The following MAP3K4 variants were observed in gnomAD, a reference collection of about 807,000 sequenced individuals.
MAP3K4 encodes mitogen-activated protein kinase kinase kinase 4, also known as MAP three kinase 1.
MAP3K4 carries 67 observed loss-of-function variants against 185.6 expected under a neutral mutation model. The ratio of observed to expected loss-of-function variants is 0.36; its 90% CI spans 0.30 to 0.44. The LOEUF is 0.44. Ranked by LOEUF, MAP3K4 falls within the 20% of genes least tolerant of loss-of-function variation. The probability of loss-of-function intolerance (pLI) is 1.00; values close to 1 mark genes in which losing one functional copy is unlikely to be tolerated. For synonymous variants in MAP3K4, 702 were observed against 710.4 expected, an observed-to-expected ratio of 0.99 and a Z score of 0.19; for missense variants, 1,551 against 1,995.1, an observed-to-expected ratio of 0.78 and a Z score of 4.24.
intron 1 of MAP3K4, among the ~76,000 whole-genome samples, chr6:161,014,989 T>C (rs1463572544): frequency 6.6e-6 from 1 of 152,214 alleles, no homozygotes; most frequent in Non-Finnish European, 1.5e-5. Flanking sequence ...TTCTGAACAT[T>C]TTATATAAAT....
In MAP3K4 at chr6:161,087,658, C is replaced by T. The variant is rs751502251; in HGVS notation, c.2557-30C>T. ...ACCTATTTCTCTAATGTACAGTGTT[C>T]CTTAAGATTTTGGATTATGTCTTTT... is the stretch of plus-strand genomic sequence containing the variant. On this transcript the variant is annotated intron_variant, in intron 9 of 26. Coordinates refer to ENST00000392142, the MANE Select transcript of MAP3K4 (RefSeq NM_005922.4). The surrounding 1 kb of genome is among the most constrained non-coding windows in gnomAD (Gnocchi z 4.9). The T allele has an allele frequency of 1.4e-5, 23 of 1,610,422 alleles. No homozygotes were observed. Among genetic ancestry groups the T allele is most frequent in the Middle Eastern group, 1.7e-4 (1 of 5,972 alleles).
chr6:161,050,102 AT>A (rs1783934383), intron 3 of MAP3K4, 123 bp downstream of exon 3: 1 of 968,156 alleles, frequency 1.0e-6, no homozygotes, highest in South Asian at 1.7e-5. Flanking sequence ...GCAGTTATAA[AT>A]TGCACATTTA....
rs1398485648 is a variant in MAP3K4, at chr6:161,061,826, A to G, written c.1708-8782A>G. 6.6e-6 allele frequency among the ~76,000 whole-genome samples: 1 copy of G among 152,180 alleles called. No individual in the cohort carries two copies. The highest frequency in any genetic ancestry group is 1.5e-5 in the Non-Finnish European group (1 of 68,038). ...TTATGACTGAATAATATTCCATTGT[A>G]TGGCTATACCACGTTTTGTTGATCT... On this transcript the variant is annotated intron_variant, in intron 3 of 26. Transcript: ENST00000392142. This position sits in a 1 kb window ranked among gnomAD's most constrained non-coding sequence, Gnocchi z 4.2.
At chr6:161,040,913 C>G (rs1255871050) in intron 2 of MAP3K4, among the ~76,000 whole-genome samples, 1 of 152,284 alleles carries the variant, frequency 6.6e-6, no homozygotes, top group Non-Finnish European at 1.5e-5. Flanking sequence ...GTTCTGCATG[C>G]TGCTGGCCAG....
chr6:161,038,633 A>G (rs6455701), intron 2 of MAP3K4, among the ~76,000 whole-genome samples: 138,435 of 152,262 alleles, frequency 0.91, 63,098 homozygotes, highest in East Asian at 0.99. Flanking sequence ...GTGAAACTTA[A>G]TGGCATGAAA....
At chr6:161,028,669 T>A (rs578243003) in intron 1 of MAP3K4, among the ~76,000 whole-genome samples, 11 of 152,198 alleles carry the variant, frequency 7.2e-5, no homozygotes, top group Non-Finnish European at 1.5e-4. Flanking sequence ...TTTTTTTTTT[T>A]AAATCTACAT....
At position 161,093,142 on chromosome 6, in the gene MAP3K4, T is replaced by C; in HGVS notation, c.3348+86T>C. On this transcript the variant is annotated intron_variant, in intron 14 of 26. Transcript: ENST00000392142. The surrounding 1 kb of genome is among the most constrained non-coding windows in gnomAD (Gnocchi z 5.2). ...GTTGTATATGTTTTATATGTAATAG[T>C]GGTTTTTTTCATGAGATATTAATCT... 1.1e-6 allele frequency: 1 copy of C among 885,692 alleles called. No individual in the cohort carries two copies. The highest frequency in any genetic ancestry group is 1.8e-6 in the Non-Finnish European group (1 of 558,762). The allele number at this position is 885,692 out of a possible 1,614,324, so 54.9% of individuals were successfully genotyped here.
rs1320284997 is a variant in MAP3K4, at chr6:161,049,655, TGAA to T, written c.1390_1392del (p.Glu464del). On this transcript the variant is annotated inframe_deletion, in exon 3 of 27. Transcript: ENST00000392142. This position sits in a 1 kb window ranked among gnomAD's most constrained non-coding sequence, Gnocchi z 8.4. ...AGTTGGAAAGTAGTACGGATGAGAG[TGAA>T]GAAGAACAAATCTCTGATCCTAGGG... 4 of 1,613,706 alleles carry T rather than the reference TGAA, an allele frequency of 2.5e-6. No homozygotes were observed. Among genetic ancestry groups the T allele is most frequent in the South Asian group, 1.1e-5 (1 of 91,058 alleles).
rs1420037011 is a variant in MAP3K4 at position 161,034,364 on chromosome 6, C to A, written c.258C>A (p.Pro86=). The change falls in exon 2 of 27, where the codon CCC becomes CCA. Residue 86 remains proline (P), a synonymous_variant. Transcript: ENST00000392142. The surrounding 1 kb of genome is among the most constrained non-coding windows in gnomAD (Gnocchi z 4.4). ...NTENLYGTSP[P]STPRQMKRMS... ...AGAATCTTTATGGTACCTCTCCCCC[C>A]AGCACACCTCGACAGATGAAACGCA... The A allele has an allele frequency of 3.1e-6, 5 of 1,613,854 alleles. No homozygotes were observed. Among genetic ancestry groups the A allele is most frequent in the Non-Finnish European group, 4.2e-6 (5 of 1,179,886 alleles).
chr6:161,018,266 G>A (rs758110893), intron 1 of MAP3K4, among the ~76,000 whole-genome samples: 2 of 152,130 alleles, frequency 1.3e-5, no homozygotes, highest in Non-Finnish European at 2.9e-5. Flanking sequence ...TTTATATAAG[G>A]CCTTCTTGAG....
Position 161,049,496 on chromosome 6 carries a change from G to A in MAP3K4, c.1224G>A (p.Arg408=). 1 of 1,614,158 alleles carries A rather than the reference G, an allele frequency of 6.2e-7. No individual in the cohort carries two copies. The highest frequency in any genetic ancestry group is 8.5e-7 in the Non-Finnish European group (1 of 1,180,032). The change falls in exon 3 of 27, where the codon AGG becomes AGA. Residue 408 remains arginine, a synonymous_variant. Transcript: ENST00000392142. The surrounding 1 kb of genome is among the most constrained non-coding windows in gnomAD (Gnocchi z 8.4). ...NITKDLNQKL[R]IMGTVLGIKN... The stretch of plus-strand genomic sequence containing the variant: ...CAAAAGACTTAAATCAGAAATTAAG[G>A]ATTATGGGCACTGTTTTGGGCATCA...
At chr6:161,024,701 T>G (rs1387678064) in intron 1 of MAP3K4, among the ~76,000 whole-genome samples, 1 of 152,190 alleles carries the variant, frequency 6.6e-6, no homozygotes, top group Non-Finnish European at 1.5e-5. Context: ...TGTCATCATA[T>G]CATATCAGGG....
chr6:161,001,584 A>G (rs946228925), intron 1 of MAP3K4, among the ~76,000 whole-genome samples: 1 of 152,202 alleles, frequency 6.6e-6, no homozygotes, highest in African/African-American at 2.4e-5. Context: ...GGGCTGGGGC[A>G]TCGTCTGTTG....
intron 1 of MAP3K4, among the ~76,000 whole-genome samples, chr6:161,025,333 C>T (rs1007064229): frequency 6.6e-6 from 1 of 152,186 alleles, no homozygotes; most frequent in Non-Finnish European, 1.5e-5. Context: ...CCTGGATGAA[C>T]GAGCTCTTTC....
chr6:161,039,588 T>G (rs1383961583), intron 2 of MAP3K4, among the ~76,000 whole-genome samples: 2 of 152,222 alleles, frequency 1.3e-5, no homozygotes, highest in Non-Finnish European at 2.9e-5. Flanking sequence ...TGAAATTATT[T>G]GATGGAATTA....
rs1233534447 is a variant in MAP3K4 at position 161,101,174 on chromosome 6, A to G, written c.3675-718A>G. The G allele has an allele frequency of 6.6e-6, 1 of 152,030 alleles. No homozygotes were observed. The highest frequency in any genetic ancestry group is 1.5e-5 in the Non-Finnish European group (1 of 67,994). 9.4% of individuals were successfully genotyped at this position (152,030 alleles called of 1,614,324 possible). A position where few individuals can be genotyped will look rare whatever the true frequency, so the allele number is the denominator to read the frequency against. ...CATTCCCTATTTAGTTTTAATTTTT[A>G]CTCTTTATGGGTTCATTCTGGTTGC... On this transcript the variant is annotated intron_variant, in intron 17 of 26. Coordinates refer to ENST00000392142, the MANE Select transcript of MAP3K4 (RefSeq NM_005922.4). This position sits in a 1 kb window ranked among gnomAD's most constrained non-coding sequence, Gnocchi z 5.1.
Position 161,017,972 on chromosome 6 carries a change from G to A in MAP3K4, c.153-16287G>A, listed in dbSNP as rs970677650. 3.9e-5 allele frequency among the ~76,000 whole-genome samples: 6 copies of A among 152,306 alleles called. No homozygotes were observed. Among genetic ancestry groups the A allele is most frequent in the African/African-American group, 7.2e-5 (3 of 41,562 alleles). Reference sequence around the variant, plus strand: ...CAATAAACTCTTCTTACGCTATTTGGAATAGACTTGAGTATAGAGTGACTG... The same window carrying A: ...CAATAAACTCTTCTTACGCTATTTGAAATAGACTTGAGTATAGAGTGACTG... On this transcript the variant is annotated intron_variant, in intron 1 of 26. Transcript: ENST00000392142. This position sits in a 1 kb window ranked among gnomAD's most constrained non-coding sequence, Gnocchi z 5.1.
chr6:161,000,848 C>T (rs1781246541), intron 1 of MAP3K4, among the ~76,000 whole-genome samples: 2 of 143,876 alleles, frequency 1.4e-5, no homozygotes, highest in South Asian at 4.2e-4. Flanking sequence ...CATGTGTACG[C>T]ACATATACAC....
At chr6:161,025,648 G>C (rs1191558363) in intron 1 of MAP3K4, among the ~76,000 whole-genome samples, 1 of 152,192 alleles carries the variant, frequency 6.6e-6, no homozygotes, top group Non-Finnish European at 1.5e-5. Flanking sequence ...TGATTTCTAA[G>C]AATGCCAATG....
Sources: allele counts gnomAD v4.1 joint callset (sites outside exome capture counted in the v4.1 genomes callset), GRCh38; gene constraint gnomAD v4.1.1; non-coding constraint Gnocchi (gnomAD v3.1); transcripts MANE v1.5; gene names NCBI Gene and HGNC (gene_info 2026-07-23, HGNC 2026-07-21).